Variants in EIF2B2 observed in about 807,000 individuals in gnomAD.
EIF2B2 encodes translation initiation factor eIF2B subunit beta.
A neutral mutation model predicts 34.7 loss-of-function variants in EIF2B2; 34 were observed. That is an observed-to-expected ratio of 0.98 (90% CI 0.75 to 1.31). The LOEUF (loss-of-function observed/expected upper bound fraction) is 1.31. Among genes scored for constraint, EIF2B2 ranks in the 50% most tolerant of loss-of-function variants. The pLI is 0.00. For synonymous variants in EIF2B2, 155 were observed against 171.6 expected (o/e 0.90, Z 0.76); for missense variants, 361 against 447.7 (o/e 0.81, Z 1.75).
intron 3 of EIF2B2, 105 bp downstream of exon 3, chr14:75,003,804 C>G: frequency 6.6e-7 from 1 of 1,517,874 alleles, no homozygotes; most frequent in Non-Finnish European, 9.0e-7. Flanking sequence ...TAGCTGTCTT[C>G]TGGTTCTCAG....
intron 4 of EIF2B2, 110 bp downstream of exon 4, chr14:75,005,010 C>A: frequency 9.1e-7 from 1 of 1,097,288 alleles, no homozygotes; most frequent in South Asian, 1.3e-5. Context: ...GACTTTGAGA[C>A]ACTGAGAAGA....
At chr14:75,004,689 A>ATTTTTTTTTTTTTTTTTTTT (rs376012405) in intron 3 of EIF2B2, 48 bp from the exon 4 acceptor site, 2 of 155,346 alleles carry the variant, frequency 1.3e-5, no homozygotes, top group Non-Finnish European at 1.9e-5. Flanking sequence ...ATATATATAT[A>ATTTTTTTTTTTTTTTTTTTT]TTTTTTTTTT....
chr14:75,006,837 A>T lies in EIF2B2; in HGVS notation c.831+123A>T. 1 of 1,393,290 alleles carries T rather than the reference A, an allele frequency of 7.2e-7. No homozygotes were observed. The highest frequency in any genetic ancestry group is 1.0e-6 in the Non-Finnish European group (1 of 991,624). 86.3% of individuals were successfully genotyped at this position (1,393,290 alleles called of 1,614,324 possible). A position where few individuals can be genotyped will look rare whatever the true frequency, so the allele number is the denominator to read the frequency against. ...CCATTTATCTGCATTTACTCAATGG[A>T]TTACACCCAGTGGAGGCTGGAAAGA... On this transcript the variant is annotated intron_variant, in intron 6 of 7. Transcript: ENST00000266126. This position sits in a 1 kb window ranked among gnomAD's most constrained non-coding sequence, Gnocchi z 4.1.
At chr14:75,007,352 A>G (rs1200329638) in intron 6 of EIF2B2, 1 of 344,436 alleles carries the variant, frequency 2.9e-6, no homozygotes, top group South Asian at 2.4e-5. Flanking sequence ...CCTTCTCCCC[A>G]TCTCCTCCAA....
At chr14:75,003,905 A>T (rs1198070630) in intron 3 of EIF2B2, among the ~76,000 whole-genome samples, 1 of 152,196 alleles carries the variant, frequency 6.6e-6, no homozygotes, top group East Asian at 1.9e-4. Flanking sequence ...CCAACCCTTG[A>T]TAGACTACAG....
In EIF2B2 at chr14:75,010,193, C is replaced by G. The variant is rs1347891374; in HGVS notation, c.*1005C>G. On this transcript the variant is annotated 3_prime_UTR_variant, in exon 8 of 8. Coordinates refer to ENST00000266126, the MANE Select transcript of EIF2B2 (RefSeq NM_014239.4). ...TCATCTCAGTCCTACTGCATCTGAT[C>G]TCAGGGTTACTACCTGGGAATCTGT... is the stretch of plus-strand genomic sequence containing the variant. 1 of 152,170 alleles carries G rather than the reference C, an allele frequency of 6.6e-6. No homozygotes were observed. 9.4% of individuals were successfully genotyped at this position (152,170 alleles called of 1,614,324 possible).
Position 75,009,061 on chromosome 14 carries a change from G to C in EIF2B2, c.929G>C (p.Cys310Ser). 6.2e-7 allele frequency: 1 copy of C among 1,614,030 alleles called. No individual in the cohort carries two copies. The highest frequency in any genetic ancestry group is 8.5e-7 in the Non-Finnish European group (1 of 1,179,990). Residue 310 changes from cysteine to serine, a missense_variant, in exon 8 of 8, where the codon TGC (cysteine) becomes TCC (serine). Transcript: ENST00000266126. ...ATTCTGGAGAAGGTCAGCGTGCATT[G>C]CCCTGTGTTTGACTACGTTCCCCCA... ...GDILEKVSVH[C>S]PVFDYVPPEL... is the part of the protein sequence containing the mutation.
intron 4 of EIF2B2, among the ~76,000 whole-genome samples, 190 bp from the exon 5 acceptor site, chr14:75,005,676 G>A (rs1416289077): frequency 6.6e-6 from 1 of 152,098 alleles, no homozygotes; most frequent in Non-Finnish European, 1.5e-5. Flanking sequence ...AGCTTCCCCT[G>A]GGCTTCCCTA....
At chr14:75,004,709 T>A (rs1889599914) in intron 3 of EIF2B2, 28 bp from the exon 4 acceptor site, 5 of 998,642 alleles carry the variant, frequency 5.0e-6, no homozygotes, top group African/African-American at 4.4e-5. Context: ...TTTTTTTTTT[T>A]TTTTTTTTTG....
At position 75,003,571 on chromosome 14, in the gene EIF2B2, A is replaced by C. The variant is rs1439766864; in HGVS notation, c.305A>C (p.Glu102Ala). ...EYGRLHGRSD[E>A]SDQQESLHKL... ...TATAGACTCCATGGACGCAGCGACG[A>C]GAGTGATCAGCAGGAGTCCCTGCAC... Residue 102 changes from glutamate (E) to alanine (A), a missense_variant, in exon 3 of 8, where the codon GAG becomes GCG. Coordinates refer to ENST00000266126, the MANE Select transcript of EIF2B2 (RefSeq NM_014239.4). 3 of 1,614,142 alleles carry C rather than the reference A, an allele frequency of 1.9e-6. No homozygotes were observed. The highest frequency in any genetic ancestry group is 2.5e-6 in the Non-Finnish European group (3 of 1,180,018).
In EIF2B2 at chr14:75,003,599, A is replaced by G. The variant is rs759621968; in HGVS notation, c.333A>G (p.Lys111=). 6.2e-7 allele frequency: 1 copy of G among 1,614,094 alleles called. No homozygotes were observed. Among genetic ancestry groups the G allele is most frequent in the Admixed American group, 1.7e-5 (1 of 60,008 alleles). ...GTGATCAGCAGGAGTCCCTGCACAA[A>G]CTGTTGACATCCGGAGGCCTAAACG... The part of the protein sequence containing the change: ...DESDQQESLH[K]LLTSGGLNED... Residue 111 remains lysine, a synonymous_variant, in exon 3 of 8, where the codon AAA becomes AAG. Transcript: ENST00000266126.
In EIF2B2 at chr14:75,009,348, T is replaced by TA; in HGVS notation, c.*162dup. On this transcript the variant is annotated 3_prime_UTR_variant, in exon 8 of 8. Coordinates refer to ENST00000266126, the MANE Select transcript of EIF2B2 (RefSeq NM_014239.4). ...GTTGCCTGCCTTTTTAGTCACCCCG[T>TA]AACAAGGGCACACATCCAGGACTGT... 1.2e-6 allele frequency: 1 copy of TA among 800,054 alleles called. No homozygotes were observed. Among genetic ancestry groups the TA allele is most frequent in the Middle Eastern group, 3.0e-4 (1 of 3,350 alleles). The allele number at this position is 800,054 out of a possible 1,614,324, so 49.6% of individuals were successfully genotyped here.
At position 75,009,602 on chromosome 14, in the gene EIF2B2, ATTTATTGTCC is replaced by A. The variant is rs1889676890; in HGVS notation, c.*416_*425del. ...CACTTGAAGGTTCCATAGTTGGTTT[ATTTATTGTCC>A]TACTCTGACAGAACTGCTTGAAACA... On this transcript the variant is annotated 3_prime_UTR_variant, in exon 8 of 8. Coordinates refer to ENST00000266126, the MANE Select transcript of EIF2B2 (RefSeq NM_014239.4). The A allele has an allele frequency of 3.4e-6, 1 of 296,836 alleles. No homozygotes were observed. The highest frequency in any genetic ancestry group is 2.2e-5 in the African/African-American group (1 of 45,702). The allele number at this position is 296,836 out of a possible 1,614,324, so 18.4% of individuals were successfully genotyped here.
rs1265929770 is a variant in EIF2B2, at chr14:75,003,103, C to T, written c.113C>T (p.Thr38Ile). Reference protein sequence around the residue: ...PRSSEEMARETLGLLRQIITD... With the variant: ...PRSSEEMAREILGLLRQIITD... The stretch of plus-strand genomic sequence containing the variant: ...AGCTCCGAGGAAATGGCTCGGGAGA[C>T]CCTAGGGTTGCTGCGCCAGATCATC... The change falls in exon 1 of 8, where the codon ACC (threonine) becomes ATC (isoleucine). Residue 38 changes from threonine (T) to isoleucine (I), a missense_variant. By Grantham distance (89) the Thr-to-Ile change is moderately conservative (BLOSUM62 -1). Coordinates refer to ENST00000266126, the MANE Select transcript of EIF2B2 (RefSeq NM_014239.4). 1.2e-6 allele frequency: 2 copies of T among 1,613,754 alleles called. No homozygotes were observed. Among genetic ancestry groups the T allele is most frequent in the African/African-American group, 1.3e-5 (1 of 75,032 alleles).
chr14:75,006,800 A>C lies in EIF2B2; in HGVS notation c.831+86A>C. On this transcript the variant is annotated intron_variant, in intron 6 of 7. Coordinates refer to ENST00000266126, the MANE Select transcript of EIF2B2 (RefSeq NM_014239.4). This position sits in a 1 kb window ranked among gnomAD's most constrained non-coding sequence, Gnocchi z 4.1. Reference sequence around the variant, plus strand: ...TGAACTCTGGGACTTCAACCACCTCACTCCAGGGCCTCCATTTATCTGCAT... The same window carrying C: ...TGAACTCTGGGACTTCAACCACCTCCCTCCAGGGCCTCCATTTATCTGCAT... 6.4e-7 allele frequency: 1 copy of C among 1,562,988 alleles called. No homozygotes were observed. Among genetic ancestry groups the C allele is most frequent in the Non-Finnish European group, 8.8e-7 (1 of 1,140,598 alleles).
rs1185587021 is a variant in EIF2B2, at chr14:75,009,393, A to G, written c.*205A>G. The stretch of plus-strand genomic sequence containing the variant: ...GACTGTGTCTTGCCTTTCAGATCTT[A>G]ACAGAGCAGCAGGGCTTAACTTGTT... On this transcript the variant is annotated 3_prime_UTR_variant, in exon 8 of 8. Transcript: ENST00000266126. 2 of 612,790 alleles carry G rather than the reference A, an allele frequency of 3.3e-6. No homozygotes were observed. The highest frequency in any genetic ancestry group is 1.8e-5 in the South Asian group (1 of 54,606). 38.0% of individuals were successfully genotyped at this position (612,790 alleles called of 1,614,324 possible).
At chr14:75,007,958 C>T (rs1889652086) in intron 7 of EIF2B2, among the ~76,000 whole-genome samples, 170 bp downstream of exon 7, 1 of 152,152 alleles carries the variant, frequency 6.6e-6, no homozygotes, top group Non-Finnish European at 1.5e-5. Context: ...GCTCAAAGTG[C>T]TTGAGGACCT....
intron 3 of EIF2B2, among the ~76,000 whole-genome samples, chr14:75,004,163 T>C (rs1425518010): frequency 2.6e-5 from 4 of 152,192 alleles, no homozygotes; most frequent in African/African-American, 9.6e-5. Context: ...CTCTGGCCAG[T>C]CTCTCTCATG....
chr14:75,004,687 ATATTTTTTTTTT>A lies in EIF2B2; in HGVS notation c.434-48_434-37del, dbSNP rs1247430857. ...ATTTCATATATATATATATATATATATATTTTTTTTTTTTTTTTTTTTTTTTTTTTTGCAAAA... is the reference window on the plus strand; with the variant it reads ...ATTTCATATATATATATATATATATATTTTTTTTTTTTTTTTTTTGCAAAA... On this transcript the variant is annotated intron_variant, in intron 3 of 7. Coordinates refer to ENST00000266126, the MANE Select transcript of EIF2B2 (RefSeq NM_014239.4). 10 of 107,682 alleles carry A rather than the reference ATATTTTTTTTTT, an allele frequency of 9.3e-5. No individual in the cohort carries two copies. The African/African-American group carries it at 2.2e-3, about 24-fold the overall frequency. 6.7% of individuals were successfully genotyped at this position (107,682 alleles called of 1,614,324 possible). A position where few individuals can be genotyped will look rare whatever the true frequency, so the allele number is the denominator to read the frequency against.
Sources: gnomAD v4.1 joint callset for allele counts (sites outside exome capture counted in the v4.1 genomes callset) on GRCh38, gnomAD v4.1.1 for gene constraint, Gnocchi (gnomAD v3.1) non-coding constraint, MANE v1.5 for transcripts, NCBI Gene and HGNC (gene_info 2026-07-23, HGNC 2026-07-21) for gene names.